Variants in DLG2 observed in about 807,000 individuals in gnomAD.
DLG2 encodes discs large MAGUK scaffold protein 2, also known as disks large homolog 2.
A neutral mutation model predicts 132.5 loss-of-function variants in DLG2; 45 were observed. The ratio of observed to expected loss-of-function variants is 0.34; its 90% CI spans 0.27 to 0.44. The LOEUF is 0.44. Ranked by LOEUF, DLG2 falls within the 20% of genes least tolerant of loss-of-function variation. DLG2 has a pLI of 1.00. For missense variants in DLG2, 1,045 were observed against 1,196.9 expected (o/e 0.87, Z 1.87); for synonymous variants, 424 against 419.6 (o/e 1.01, Z -0.13).
chr11:83,609,659 CATCCTT>C (rs568845054), intron 19 of DLG2, among the ~76,000 whole-genome samples: 57 of 152,186 alleles, frequency 3.7e-4, no homozygotes, highest in Non-Finnish European at 6.2e-4. Flanking sequence ...TCCCCACTCT[CATCCTT>C]AATCTCTCTG....
intron 3 of DLG2, among the ~76,000 whole-genome samples, chr11:85,482,628 C>A (rs1283271931): frequency 1.3e-5 from 2 of 152,132 alleles, no homozygotes; most frequent in Non-Finnish European, 2.9e-5. Flanking sequence ...AGGCTCCAGA[C>A]CCAAAGATCC....
intron 3 of DLG2, among the ~76,000 whole-genome samples, chr11:85,386,891 CTT>C (rs932998754): frequency 7.0e-6 from 1 of 143,640 alleles, no homozygotes; most frequent in South Asian, 2.2e-4. Flanking sequence ...AATATCCTTT[CTT>C]TTTTTTTTCT....
chr11:83,659,514 A>C (rs963239362), intron 18 of DLG2, among the ~76,000 whole-genome samples: 1 of 152,176 alleles, frequency 6.6e-6, no homozygotes, highest in African/African-American at 2.4e-5. Flanking sequence ...AGGTCCTATA[A>C]GGCTACTCAC....
At chr11:84,939,623 A>G (rs759519047) in intron 6 of DLG2, among the ~76,000 whole-genome samples, 1 of 152,072 alleles carries the variant, frequency 6.6e-6, no homozygotes, top group East Asian at 1.9e-4. Context: ...TATGTCCATG[A>G]GTTCAATTGT....
At chr11:84,102,403 C>A (rs976560924) in intron 9 of DLG2, among the ~76,000 whole-genome samples, 2 of 152,044 alleles carry the variant, frequency 1.3e-5, no homozygotes, top group African/African-American at 4.8e-5. Context: ...TGTGCCCTAA[C>A]AGGAAGACTC....
rs529206502 is a variant in DLG2 at position 85,517,408 on chromosome 11, C to T, written c.40+81249G>A. 3.9e-5 allele frequency among the ~76,000 whole-genome samples: 6 copies of T among 152,184 alleles called. No homozygotes were observed. The South Asian group carries it at 1.2e-3, about 32-fold the overall frequency. ...TCCTACTTTCACCACTCCTGTTCAA[C>T]ACAATACTAGAAGTCCTAGCCAGGG... On this transcript the variant is annotated intron_variant, in intron 3 of 27. Coordinates refer to ENST00000376104, the MANE Select transcript of DLG2 (RefSeq NM_001142699.3).
At chr11:84,393,431 T>C (rs1038663443) in intron 7 of DLG2, among the ~76,000 whole-genome samples, 8 of 152,178 alleles carry the variant, frequency 5.3e-5, no homozygotes, top group Non-Finnish European at 8.8e-5. Flanking sequence ...ACTTTTGTAA[T>C]AGTTATGTTC....
chr11:83,737,059 C>A (rs917264296), intron 18 of DLG2, among the ~76,000 whole-genome samples: 9 of 152,114 alleles, frequency 5.9e-5, no homozygotes, highest in Admixed American at 3.3e-4. Flanking sequence ...AAGCCATAGG[C>A]CACACTGTAG....
chr11:84,008,710 A>G (rs2094708374), intron 11 of DLG2, among the ~76,000 whole-genome samples: 1 of 151,886 alleles, frequency 6.6e-6, no homozygotes. Flanking sequence ...ATCAAAAATA[A>G]ATTTGCACAT....
chr11:85,609,821 G>A (rs186604354), intron 2 of DLG2, among the ~76,000 whole-genome samples: 3 of 152,244 alleles, frequency 2.0e-5, no homozygotes, highest in Non-Finnish European at 2.9e-5. Context: ...TGTCCCAGAC[G>A]ACTGTCCTCA....
chr11:84,078,180 G>T (rs1021912248), intron 10 of DLG2, among the ~76,000 whole-genome samples: 1 of 152,110 alleles, frequency 6.6e-6, no homozygotes, highest in African/African-American at 2.4e-5. Flanking sequence ...TTAAAGTTAA[G>T]AGTAAGACAA....
chr11:84,562,076 A>G (rs1198437213), intron 6 of DLG2, among the ~76,000 whole-genome samples: 1 of 152,180 alleles, frequency 6.6e-6, no homozygotes, highest in African/African-American at 2.4e-5. Flanking sequence ...GACAGAATAT[A>G]CTTTTATAAA....
At position 85,194,065 on chromosome 11, in the gene DLG2, A is replaced by C. The variant is rs559854453; in HGVS notation, c.187-39414T>G. Among the ~76,000 whole-genome samples, 11 of 152,362 alleles carry C rather than the reference A, an allele frequency of 7.2e-5. No homozygotes were observed. The South Asian group carries it at 1.7e-3, about 23-fold the overall frequency. ...GTGGATTTAGTTTCAAGATGGCACC[A>C]TTCTGTAACAGCTTAGGTCATGGGG... On this transcript the variant is annotated intron_variant, in intron 4 of 27. Coordinates refer to ENST00000376104, the MANE Select transcript of DLG2 (RefSeq NM_001142699.3).
intron 7 of DLG2, chr11:84,317,019 C>T: frequency 6.2e-7 from 1 of 1,612,838 alleles, no homozygotes; most frequent in South Asian, 1.1e-5. Flanking sequence ...TACCCGAGCC[C>T]CTGACAGTTC....
At chr11:84,817,161 A>G (rs1027593071) in intron 6 of DLG2, among the ~76,000 whole-genome samples, 5 of 151,956 alleles carry the variant, frequency 3.3e-5, no homozygotes, top group African/African-American at 4.8e-5. Context: ...GAGGACAAGC[A>G]CTCTCTCTGA....
At position 84,739,871 on chromosome 11, in the gene DLG2, T is replaced by C. The variant is rs149080173; in HGVS notation, c.358-205140A>G. On this transcript the variant is annotated intron_variant, in intron 6 of 27. Coordinates refer to ENST00000376104, the MANE Select transcript of DLG2 (RefSeq NM_001142699.3). ...TTTTATTTATGTTAAATAACTACCC[T>C]GTGATCCCAAAGTTTAATTTAGTAC... Among the ~76,000 whole-genome samples the C allele has an allele frequency of 5.6e-3, 847 of 152,234 alleles. 5 individuals carry two copies. The highest frequency in any genetic ancestry group is 0.02 in the African/African-American group (815 of 41,532).
chr11:85,055,768 G>C lies in DLG2; in HGVS notation c.357+55893C>G, dbSNP rs149495287. Reference sequence around the variant, plus strand: ...AGCTAAGAACTTTCAACAATCACACGATGCTGGAGAGTAAAAAAATGGGTT... The same window carrying C: ...AGCTAAGAACTTTCAACAATCACACCATGCTGGAGAGTAAAAAAATGGGTT... On this transcript the variant is annotated intron_variant, in intron 6 of 27. Coordinates refer to ENST00000376104, the MANE Select transcript of DLG2 (RefSeq NM_001142699.3). 7.2e-3 allele frequency among the ~76,000 whole-genome samples: 1,096 copies of C among 152,222 alleles called. 9 individuals are homozygous for C. The highest frequency in any genetic ancestry group is 0.014 in the Middle Eastern group (4 of 294).
At chr11:84,803,752 G>T (rs117658710) in intron 6 of DLG2, among the ~76,000 whole-genome samples, 2 of 152,160 alleles carry the variant, frequency 1.3e-5, no homozygotes, top group East Asian at 3.8e-4. Context: ...GCCTCGACTA[G>T]CCCATAAAGG....
intron 7 of DLG2, among the ~76,000 whole-genome samples, chr11:84,478,176 C>T (rs1307322026): frequency 6.6e-6 from 1 of 152,012 alleles, no homozygotes; most frequent in African/African-American, 2.4e-5. Flanking sequence ...TCTTAGGAGG[C>T]AGCATGTCAC....
Sources: gnomAD v4.1 joint callset for allele counts (sites outside exome capture counted in the v4.1 genomes callset) on GRCh38, gnomAD v4.1.1 for gene constraint, MANE v1.5 for transcripts, NCBI Gene and HGNC (gene_info 2026-07-23, HGNC 2026-07-21) for gene names.